The following TP63 variants were observed in gnomAD, a reference collection of about 807,000 sequenced individuals.
TP63 encodes the protein tumor protein 63.
Under a neutral mutation model 82.8 loss-of-function variants are expected in TP63, and 17 were observed. That is an observed-to-expected ratio of 0.21 (90% CI 0.14 to 0.31). The LOEUF is 0.31. Among genes scored for constraint, TP63 ranks in the 10% least tolerant of loss-of-function variants. TP63 has a pLI of 1.00. For synonymous variants in TP63, 330 were observed against 321.7 expected, an observed-to-expected ratio of 1.03 and a Z score of -0.28; for missense variants, 648 against 895.3, an observed-to-expected ratio of 0.72 and a Z score of 3.52.
intron 1 of TP63, among the ~76,000 whole-genome samples, chr3:189,677,915 G>A (rs1475589605): frequency 1.3e-5 from 2 of 151,912 alleles, no homozygotes; most frequent in Admixed American, 6.6e-5. Flanking sequence ...GTCTGTTCAT[G>A]TACTTTGCCC....
intron 3 of TP63, among the ~76,000 whole-genome samples, chr3:189,750,933 G>A (rs907439089): frequency 1.8e-4 from 27 of 152,086 alleles, no homozygotes; most frequent in African/African-American, 6.5e-4. Flanking sequence ...CTAATCATTT[G>A]TATTAAGTGT....
chr3:189,869,140 G>T (rs1167253711), intron 8 of TP63, among the ~76,000 whole-genome samples, 184 bp from the exon 9 acceptor site: 7 of 152,058 alleles, frequency 4.6e-5, no homozygotes, highest in Admixed American at 6.5e-5. Flanking sequence ...AAAAACAATT[G>T]TCCCCAGTTA....
intron 4 of TP63, among the ~76,000 whole-genome samples, chr3:189,849,056 C>T (rs1241578092): frequency 6.6e-6 from 1 of 152,084 alleles, no homozygotes; most frequent in Non-Finnish European, 1.5e-5. Context: ...ATAATGAAAC[C>T]TTCATAAAAA....
At chr3:189,827,099 G>C (rs1711537638) in intron 4 of TP63, among the ~76,000 whole-genome samples, 2 of 152,154 alleles carry the variant, frequency 1.3e-5, no homozygotes, top group Non-Finnish European at 2.9e-5. Flanking sequence ...TTGATAAATT[G>C]TGCTAGTTAT....
At chr3:189,706,931 C>A (rs531008361) in intron 1 of TP63, among the ~76,000 whole-genome samples, 2 of 151,226 alleles carry the variant, frequency 1.3e-5, no homozygotes, top group Admixed American at 6.6e-5. Context: ...TTCTCCTACA[C>A]GCTGAAAGAT....
intron 4 of TP63, among the ~76,000 whole-genome samples, chr3:189,848,965 C>A (rs769004219): frequency 6.6e-6 from 1 of 152,116 alleles, no homozygotes; most frequent in Admixed American, 6.5e-5. Context: ...GTCAGCCCCA[C>A]CCCCCAGCCT....
chr3:189,890,378 C>T (rs1161660815), intron 12 of TP63, among the ~76,000 whole-genome samples: 2 of 152,112 alleles, frequency 1.3e-5, no homozygotes, highest in Non-Finnish European at 2.9e-5. Flanking sequence ...ACCACATGAG[C>T]CATTCTCACA....
At chr3:189,856,010 A>C (rs1174118656) in intron 4 of TP63, among the ~76,000 whole-genome samples, 4 of 151,942 alleles carry the variant, frequency 2.6e-5, no homozygotes, top group African/African-American at 9.7e-5. Flanking sequence ...GAGCTGCTGG[A>C]AATTTAATAC....
intron 3 of TP63, among the ~76,000 whole-genome samples, chr3:189,774,202 G>A (rs542888989): frequency 1.3e-5 from 2 of 152,092 alleles, no homozygotes; most frequent in Non-Finnish European, 2.9e-5. Context: ...GATTACAGGC[G>A]TGAGCCACCA....
intron 4 of TP63, among the ~76,000 whole-genome samples, chr3:189,855,292 C>T (rs781181047): frequency 1.3e-5 from 2 of 152,042 alleles, no homozygotes; most frequent in Non-Finnish European, 2.9e-5. Flanking sequence ...AGAGACAGTG[C>T]CACTTTATTT....
At chr3:189,676,526 T>C (rs530094001) in intron 1 of TP63, among the ~76,000 whole-genome samples, 15 of 152,168 alleles carry the variant, frequency 9.9e-5, no homozygotes, top group African/African-American at 3.4e-4. Context: ...TATGTATTTG[T>C]ATTATATAGA....
intron 1 of TP63, among the ~76,000 whole-genome samples, chr3:189,713,200 T>C (rs1718721575): frequency 6.6e-6 from 1 of 152,186 alleles, no homozygotes; most frequent in South Asian, 2.1e-4. Flanking sequence ...TAGCATTCTG[T>C]TTATTCTGTG....
chr3:189,756,358 T>C (rs533676257), intron 3 of TP63, among the ~76,000 whole-genome samples: 260 of 152,334 alleles, frequency 1.7e-3, no homozygotes, highest in Middle Eastern at 6.8e-3. Flanking sequence ...CCGTTTAGAC[T>C]GAATTCCGGT....
intron 1 of TP63, among the ~76,000 whole-genome samples, chr3:189,671,941 C>T (rs1714927163): frequency 6.6e-6 from 1 of 151,996 alleles, no homozygotes; most frequent in Admixed American, 6.6e-5. Flanking sequence ...TACAAAGTTA[C>T]AGCTGAGTAG....
intron 4 of TP63, among the ~76,000 whole-genome samples, chr3:189,811,117 C>A (rs1700117124): frequency 6.6e-6 from 1 of 152,126 alleles, no homozygotes. Flanking sequence ...AGACAGAAAA[C>A]CTGGATTATG....
intron 4 of TP63, among the ~76,000 whole-genome samples, chr3:189,833,551 C>T (rs55660938): frequency 0.043 from 6,595 of 152,238 alleles, 188 homozygotes; most frequent in Non-Finnish European, 0.062. Flanking sequence ...AACTTGAGAC[C>T]TACCAATCTG....
intron 3 of TP63, among the ~76,000 whole-genome samples, chr3:189,778,815 T>C (rs1724016480): frequency 6.6e-6 from 1 of 152,168 alleles, no homozygotes. Context: ...CCTTACCCCA[T>C]AGAGAAACTA....
chr3:189,620,654 C>T, the TP63 span, among the ~76,000 whole-genome samples: 18 of 152,298 alleles, frequency 1.2e-4, no homozygotes, highest in Middle Eastern at 3.4e-3. Flanking sequence ...TCAAAAATCA[C>T]GCATCAAAGA....
At chr3:189,863,935 C>A (rs1161544183) in intron 4 of TP63, among the ~76,000 whole-genome samples, 1 of 152,186 alleles carries the variant, frequency 6.6e-6, no homozygotes, top group African/African-American at 2.4e-5. Context: ...TTCATTTAAA[C>A]CCCTCTGAGC....
Sources: allele counts gnomAD v4.1 joint callset (sites outside exome capture counted in the v4.1 genomes callset), GRCh38; gene constraint gnomAD v4.1.1; transcripts MANE v1.5; gene names NCBI Gene and HGNC (gene_info 2026-07-23, HGNC 2026-07-21).